PCDH15: variants seen among roughly 807,000 people sequenced by gnomAD.
The protein encoded by PCDH15 is protocadherin related 15, also known as protocadherin-15.
PCDH15 carries 129 observed loss-of-function variants against 178.5 expected under a neutral mutation model. That is an observed-to-expected ratio of 0.72 (90% confidence interval 0.63 to 0.84). The LOEUF (loss-of-function observed/expected upper bound fraction) is 0.84, where lower values mean the gene tolerates loss of function less well. PCDH15 is among the 40% of genes least tolerant of loss of function. The pLI is 0.00. For missense variants in PCDH15, 2,230 were observed against 2,099.9 expected (o/e 1.06, Z -1.21); for synonymous variants, 800 against 732.0 (o/e 1.09, Z -1.50).
At chr10:54,618,190 T>C (rs1219558770) in intron 2 of PCDH15, among the ~76,000 whole-genome samples, 1 of 152,116 alleles carries the variant, frequency 6.6e-6, no homozygotes. Flanking sequence ...ATTAAGTACA[T>C]GAGTATTTGA....
chr10:54,078,670 A>G (rs570841084), intron 17 of PCDH15, among the ~76,000 whole-genome samples: 2 of 152,284 alleles, frequency 1.3e-5, no homozygotes, highest in South Asian at 4.1e-4. Context: ...TACAATACAT[A>G]GAAAGCGGGA....
chr10:55,339,406 G>A (rs1399517534), intron 2 of PCDH15, among the ~76,000 whole-genome samples: 2 of 151,894 alleles, frequency 1.3e-5, no homozygotes, highest in Admixed American at 6.6e-5. Flanking sequence ...TTCTGGTTCT[G>A]TACATGGAAC....
intron 2 of PCDH15, among the ~76,000 whole-genome samples, chr10:54,635,474 A>T (rs1012662222): frequency 2.0e-5 from 3 of 151,746 alleles, no homozygotes; most frequent in Non-Finnish European, 4.4e-5. Flanking sequence ...TTTATCTTGT[A>T]TTCTACCAGA....
intron 2 of PCDH15, among the ~76,000 whole-genome samples, chr10:54,942,545 C>G (rs1838091004): frequency 6.6e-6 from 1 of 151,854 alleles, no homozygotes; most frequent in African/African-American, 2.4e-5. Flanking sequence ...GCTTTGCATA[C>G]TATAAGCATG....
intron 9 of PCDH15, among the ~76,000 whole-genome samples, chr10:54,228,578 C>G (rs887145172): frequency 1.3e-5 from 2 of 152,172 alleles, no homozygotes; most frequent in African/African-American, 4.8e-5. Context: ...CATTTTTTAT[C>G]AGGTCCAGAG....
intron 2 of PCDH15, among the ~76,000 whole-genome samples, chr10:54,917,946 T>G (rs1837382867): frequency 6.6e-6 from 1 of 150,706 alleles, no homozygotes; most frequent in Non-Finnish European, 1.5e-5. Flanking sequence ...GTTACATATG[T>G]ATGACTTTTT....
chr10:54,070,993 C>T (rs11004040), intron 17 of PCDH15, among the ~76,000 whole-genome samples: 8,504 of 152,118 alleles, frequency 0.056, 371 homozygotes, highest in East Asian at 0.24. Context: ...TCTATCAATA[C>T]ACAATGCATT....
rs1321502051 is a variant in PCDH15 at position 54,193,108 on chromosome 10, A to C, written c.1305+2575T>G. On this transcript the variant is annotated intron_variant, in intron 11 of 37. Coordinates refer to ENST00000644397, the MANE Select transcript of PCDH15 (RefSeq NM_001384140.1). ...CTAACTGGTACTGTACATCTCCAAG[A>C]GTTGAATTATAAGTAGTGTTTCTCA... Among the ~76,000 whole-genome samples the C allele has an allele frequency of 2.0e-5, 3 of 152,306 alleles. No individual in the cohort carries two copies. In the East Asian group the frequency reaches 5.8e-4, roughly 29 times the overall value.
intron 16 of PCDH15, among the ~76,000 whole-genome samples, chr10:54,086,519 G>C (rs989433102): frequency 1.3e-5 from 2 of 152,120 alleles, no homozygotes; most frequent in African/African-American, 4.8e-5. Context: ...GCAAAGTTTT[G>C]AACATGAATC....
Position 55,463,975 on chromosome 10 carries a change from GAA to G in PCDH15, c.-156+163648_-156+163649del, listed in dbSNP as rs1839759176. 4.4e-4 allele frequency among the ~76,000 whole-genome samples: 8 copies of G among 18,254 alleles called. 4 individuals carry two copies. In the Admixed American group the frequency reaches 4.4e-3, roughly 10 times the overall value. 12.0% of individuals were successfully genotyped at this position (18,254 alleles called of 152,430 possible). On this transcript the variant is annotated intron_variant, in intron 2 of 5. Transcript: ENST00000613346. ...AAAGAAAGAAAGAAAGAAAGAAAGA[GAA>G]AGAAAGAAAGAAAGAGAAAGAAAGA...
At chr10:54,307,073 TATATATAC>T (rs2060558734) in intron 8 of PCDH15, among the ~76,000 whole-genome samples, 4 of 9,524 alleles carry the variant, frequency 4.2e-4, no homozygotes, top group East Asian at 6.9e-3. Context: ...TATATATATA[TATATATAC>T]ATATATATAT....
chr10:55,247,666 C>A (rs1364171561), intron 1 of PCDH15: 2 of 150,464 alleles, frequency 1.3e-5, no homozygotes, highest in African/African-American at 4.9e-5. Context: ...CATCTGTAAT[C>A]CCAGCATTTT....
At chr10:55,330,836 T>TTGTG (rs1321610555) in intron 2 of PCDH15, among the ~76,000 whole-genome samples, 1 of 83,032 alleles carries the variant, frequency 1.2e-5, no homozygotes, top group African/African-American at 4.9e-5. Flanking sequence ...ATAGATTTAT[T>TTGTG]TATGTGTGTG....
At chr10:55,018,012 C>A (rs1840225031) in intron 2 of PCDH15, among the ~76,000 whole-genome samples, 1 of 151,960 alleles carries the variant, frequency 6.6e-6, no homozygotes, top group African/African-American at 2.4e-5. Flanking sequence ...AAGTAAGCAA[C>A]AATTTAACAT....
intron 26 of PCDH15, among the ~76,000 whole-genome samples, chr10:53,888,304 A>ACCTATATATATATATG (rs1554845196): frequency 1.1e-5 from 1 of 88,976 alleles, no homozygotes; most frequent in Admixed American, 1.2e-4. Context: ...ATATATATAT[A>ACCTATATATATATATG]TATATGTATA....
rs191261129 is a variant in PCDH15 at position 55,060,448 on chromosome 10, G to A, written c.-80+106128C>T. 4.0e-5 allele frequency among the ~76,000 whole-genome samples: 6 copies of A among 151,886 alleles called. No individual in the cohort carries two copies. The South Asian group carries it at 1.2e-3, about 31-fold the overall frequency. On this transcript the variant is annotated intron_variant, in intron 2 of 5. Coordinates refer to the PCDH15 transcript ENST00000458638. ...AGTTTCCACATCTCTAAATTGAAAGGAAAACACAAACATGTAGTTTGGGTT... is the reference window on the plus strand; with the variant it reads ...AGTTTCCACATCTCTAAATTGAAAGAAAAACACAAACATGTAGTTTGGGTT...
At chr10:53,821,707 A>ATATC (rs886047057) in intron 32 of PCDH15, 66 of 1,460,076 alleles carry the variant, frequency 4.5e-5, no homozygotes, top group African/African-American at 1.4e-5. Context: ...GATGAGGTTA[A>ATATC]TATCTTTTTA....
chr10:53,977,332 T>C (rs1383875731), intron 21 of PCDH15, among the ~76,000 whole-genome samples: 4 of 148,556 alleles, frequency 2.7e-5, no homozygotes, highest in Non-Finnish European at 6.0e-5. Context: ...TTAAAAAAAA[T>C]CACAAATAAA....
At chr10:53,814,539 A>G (rs2075991662) in intron 35 of PCDH15, among the ~76,000 whole-genome samples, 4 of 152,176 alleles carry the variant, frequency 2.6e-5, no homozygotes, top group Admixed American at 2.6e-4. Context: ...CCTTGATTCA[A>G]TCAGTCACTC....
Sources: allele counts gnomAD v4.1 joint callset (sites outside exome capture counted in the v4.1 genomes callset), GRCh38; gene constraint gnomAD v4.1.1; transcripts MANE v1.5; gene names NCBI Gene and HGNC (gene_info 2026-07-23, HGNC 2026-07-21).